GSE1: variants seen among roughly 807,000 people sequenced by gnomAD.
GSE1 encodes the protein genetic suppressor element 1.
A neutral mutation model predicts 112.6 loss-of-function variants in GSE1; 32 were observed. The ratio of observed to expected loss-of-function variants is 0.28; its 90% CI spans 0.21 to 0.38. GSE1 has a LOEUF of 0.38. GSE1 is among the 10% of genes least tolerant of loss of function. The pLI is 1.00. For missense variants in GSE1, 2,348 were observed against 1,699.2 expected (o/e 1.38, Z -6.71); for synonymous variants, 1,115 against 735.6 (o/e 1.52, Z -8.35).
At chr16:85,377,411 C>T (rs187188187) in intron 2 of GSE1, among the ~76,000 whole-genome samples, 433 of 152,324 alleles carry the variant, frequency 2.8e-3, no homozygotes, top group African/African-American at 0.01. Flanking sequence ...CTGCTGGCTC[C>T]CTCAGATCCC....
At chr16:85,389,182 C>T (rs375498907) in intron 2 of GSE1, among the ~76,000 whole-genome samples, 20 of 152,050 alleles carry the variant, frequency 1.3e-4, no homozygotes, top group Admixed American at 2.6e-4. Flanking sequence ...TGCTAGGGGC[C>T]GGGGCAGTGG....
chr16:85,294,870 T>G (rs1597318810), intron 1 of GSE1, among the ~76,000 whole-genome samples: 2 of 152,116 alleles, frequency 1.3e-5, no homozygotes, highest in Non-Finnish European at 2.9e-5. Context: ...GTGTACAGTT[T>G]AGTGACATTT....
chr16:85,258,733 A>G (rs990740237), intron 1 of GSE1, among the ~76,000 whole-genome samples: 5 of 152,108 alleles, frequency 3.3e-5, no homozygotes, highest in African/African-American at 7.2e-5. Flanking sequence ...CGGGGTCACC[A>G]TGCACTCCTC....
chr16:85,217,779 C>T (rs1036299585), intron 1 of GSE1, among the ~76,000 whole-genome samples: 2 of 152,160 alleles, frequency 1.3e-5, no homozygotes, highest in African/African-American at 4.8e-5. Flanking sequence ...CCTGCTGCAT[C>T]CTCCCCGAAT....
chr16:85,584,499 G>A (rs555100613), intron 1 of GSE1, among the ~76,000 whole-genome samples: 16 of 152,358 alleles, frequency 1.1e-4, no homozygotes, highest in Non-Finnish European at 1.9e-4. Flanking sequence ...ACCTGTCTCC[G>A]TGAGGTTTGG....
intron 2 of GSE1, among the ~76,000 whole-genome samples, chr16:85,502,937 G>A (rs900309743): frequency 5.9e-5 from 9 of 152,186 alleles, no homozygotes; most frequent in South Asian, 2.1e-4. Flanking sequence ...AATGCGTGGC[G>A]GGAGGAGGAT....
At chr16:85,608,756 C>T (rs1010811941), upstream of GSE1, among the ~76,000 whole-genome samples, 3 of 152,228 alleles carry the variant, frequency 2.0e-5, no homozygotes, top group Non-Finnish European at 4.4e-5. Flanking sequence ...CGCTGAGCAG[C>T]GCTGGCTCTT....
chr16:85,554,779 G>A (rs191588665), upstream of GSE1: 1 of 644,492 alleles, frequency 1.6e-6, no homozygotes, highest in Non-Finnish European at 1.9e-6. Context: ...CAGTCGTGGG[G>A]GGGGAGGGAG....
At chr16:85,507,270 G>A (rs561608497) in intron 2 of GSE1, among the ~76,000 whole-genome samples, 9 of 152,296 alleles carry the variant, frequency 5.9e-5, no homozygotes, top group East Asian at 1.9e-4. Flanking sequence ...GCAGAGCTCC[G>A]TCCTCGGCAT....
intron 3 of GSE1, among the ~76,000 whole-genome samples, chr16:85,650,922 G>A (rs138841563): frequency 6.6e-6 from 1 of 151,964 alleles, no homozygotes; most frequent in African/African-American, 2.4e-5. Flanking sequence ...TGGGAGCTGC[G>A]AGAGGAGAAA....
chr16:85,394,571 G>A (rs978289965), intron 2 of GSE1, among the ~76,000 whole-genome samples: 5 of 152,090 alleles, frequency 3.3e-5, no homozygotes, highest in African/African-American at 9.7e-5. Flanking sequence ...TCCTGGATGG[G>A]CGGCAGCCCC....
At chr16:85,587,914 T>C (rs1239985463) in intron 1 of GSE1, among the ~76,000 whole-genome samples, 1 of 152,120 alleles carries the variant, frequency 6.6e-6, no homozygotes, top group Admixed American at 6.5e-5. Context: ...GGCACCACCT[T>C]GCTTCAGCCC....
At chr16:85,554,709 G>T (rs1246891395), upstream of GSE1, among the ~76,000 whole-genome samples, 1 of 151,654 alleles carries the variant, frequency 6.6e-6, no homozygotes, top group African/African-American at 2.4e-5. Flanking sequence ...TCCGGGTCAC[G>T]GTTTGGGGAT....
intron 2 of GSE1, among the ~76,000 whole-genome samples, chr16:85,372,504 A>G (rs2047324298): frequency 1.3e-5 from 2 of 151,548 alleles, no homozygotes; most frequent in South Asian, 2.1e-4. Flanking sequence ...AAAAAAAAAA[A>G]AAAAAGAACA....
chr16:85,647,404 C>G (rs766861664), intron 2 of GSE1, among the ~76,000 whole-genome samples: 17 of 152,188 alleles, frequency 1.1e-4, no homozygotes, highest in Admixed American at 6.5e-4. Context: ...AGGCAAACCT[C>G]CTGATGTGTA....
chr16:85,456,640 G>GTGTGTGTGTGTGTGTGTGTGT (rs1567502072), intron 2 of GSE1, among the ~76,000 whole-genome samples: 2 of 139,532 alleles, frequency 1.4e-5, no homozygotes, highest in African/African-American at 5.3e-5. Context: ...GTGTGTGTGT[G>GTGTGTGTGTGTGTGTGTGTGT]GTCTGCCATT....
chr16:85,243,143 GAC>G (rs1231261525), intron 1 of GSE1, among the ~76,000 whole-genome samples: 7 of 152,214 alleles, frequency 4.6e-5, no homozygotes, highest in Non-Finnish European at 1.0e-4. Context: ...CCCCCGAGGA[GAC>G]ACACAAATGT....
intron 2 of GSE1, among the ~76,000 whole-genome samples, chr16:85,456,717 G>A (rs766701581): frequency 4.0e-5 from 6 of 151,872 alleles, no homozygotes; most frequent in Non-Finnish European, 7.4e-5. Flanking sequence ...AGCATTTCCA[G>A]GGAGGGAGGC....
chr16:85,339,732 A>G (rs2151536777), intron 1 of GSE1, among the ~76,000 whole-genome samples: 1 of 152,138 alleles, frequency 6.6e-6, no homozygotes, highest in East Asian at 1.9e-4. Context: ...TGCTGGTGAG[A>G]GTCTTAGACT....
Sources: allele counts gnomAD v4.1 joint callset (sites outside exome capture counted in the v4.1 genomes callset), GRCh38; gene constraint gnomAD v4.1.1; transcripts MANE v1.5; gene names NCBI Gene and HGNC (gene_info 2026-07-23, HGNC 2026-07-21).